Variants in CCDC141 observed in about 807,000 individuals in gnomAD.
The protein encoded by CCDC141 is coiled-coil domain containing 141, also known as coiled-coil domain-containing protein 141.
A neutral mutation model predicts 181.0 loss-of-function variants in CCDC141; 168 were observed. The ratio of observed to expected loss-of-function variants is 0.93; its 90% CI spans 0.82 to 1.05. CCDC141 has a LOEUF of 1.05. CCDC141 is among the 50% of genes least tolerant of loss of function. The pLI, the probability that CCDC141 is intolerant of heterozygous loss-of-function variation, is 0.00. For synonymous variants in CCDC141, 666 were observed against 642.3 expected, an observed-to-expected ratio of 1.04 and a Z score of -0.56; for missense variants, 1,902 against 1,788.5, an observed-to-expected ratio of 1.06 and a Z score of -1.14.
At chr2:179,000,696 C>T (rs112329476) in intron 2 of CCDC141, among the ~76,000 whole-genome samples, 2 of 152,204 alleles carry the variant, frequency 1.3e-5, no homozygotes, top group African/African-American at 4.8e-5. Context: ...TGAGTCAATT[C>T]CAATAATCCT....
At chr2:178,844,644 C>T (rs1319614726) in intron 22 of CCDC141, among the ~76,000 whole-genome samples, 1 of 152,116 alleles carries the variant, frequency 6.6e-6, no homozygotes, top group African/African-American at 2.4e-5. Context: ...TGCACCAGGC[C>T]TTGACATAGA....
At chr2:178,974,978 C>T (rs770816057) in intron 4 of CCDC141, 79 bp downstream of exon 4, 1 of 635,206 alleles carries the variant, frequency 1.6e-6, no homozygotes, top group African/African-American at 1.8e-5. Context: ...TTAAAATACA[C>T]TATCATACAT....
At chr2:178,938,695 T>C (rs1689388491) in intron 6 of CCDC141, among the ~76,000 whole-genome samples, 1 of 152,162 alleles carries the variant, frequency 6.6e-6, no homozygotes. Flanking sequence ...TAGTAGAGTT[T>C]TGAAGTCTCC....
At position 178,896,145 on chromosome 2, in the gene CCDC141, T is replaced by C. The variant is rs116296045; in HGVS notation, c.1266-7477A>G. On this transcript the variant is annotated intron_variant, in intron 8 of 23. Transcript: ENST00000443758. ...CAAAAAGGAATTCAAGAAACTATTA[T>C]GTGGCAGGTATTGATTCAGTTCATC... Among the ~76,000 whole-genome samples the C allele has an allele frequency of 5.6e-3, 859 of 152,322 alleles. 10 individuals are homozygous for C. The highest frequency in any genetic ancestry group is 0.02 in the African/African-American group (819 of 41,576).
At chr2:178,851,542 G>A (rs575436333) in intron 20 of CCDC141, among the ~76,000 whole-genome samples, 46 of 152,284 alleles carry the variant, frequency 3.0e-4, no homozygotes, top group Middle Eastern at 3.4e-3. Context: ...GGATGACCAC[G>A]TGAAGAGGCA....
Position 178,868,007 on chromosome 2 carries a change from A to G in CCDC141, c.2574+19T>C, listed in dbSNP as rs957294640. On this transcript the variant is annotated intron_variant, in intron 16 of 23. Transcript: ENST00000443758. ...CCAGCTAGAACTGAGTCTAAATGAT[A>G]GTGTTATTAGATGCTTACAGGCCGC... 1.3e-6 allele frequency: 2 copies of G among 1,582,788 alleles called. No individual in the cohort carries two copies. Among genetic ancestry groups the G allele is most frequent in the African/African-American group, 2.7e-5 (2 of 74,606 alleles).
At chr2:178,988,410 G>A (rs890598373) in intron 2 of CCDC141, among the ~76,000 whole-genome samples, 2 of 151,444 alleles carry the variant, frequency 1.3e-5, no homozygotes, top group Admixed American at 1.3e-4. Context: ...CATGGCACAT[G>A]TATACGTATG....
At chr2:178,892,598 C>G (rs772248654) in intron 8 of CCDC141, among the ~76,000 whole-genome samples, 2 of 152,162 alleles carry the variant, frequency 1.3e-5, no homozygotes, top group Non-Finnish European at 2.9e-5. Flanking sequence ...TGATACCGGA[C>G]TTTCCTTTTG....
At chr2:178,853,418 G>T (rs1214155634) in intron 20 of CCDC141, 23 bp downstream of exon 20, 1 of 1,607,548 alleles carries the variant, frequency 6.2e-7, no homozygotes, top group Non-Finnish European at 8.5e-7. Flanking sequence ...GCCAATCACT[G>T]GATATCTTAA....
chr2:178,924,241 G>A (rs1350045654), intron 6 of CCDC141, among the ~76,000 whole-genome samples: 2 of 152,174 alleles, frequency 1.3e-5, no homozygotes, highest in African/African-American at 4.8e-5. Context: ...GGAGATTACT[G>A]GCCAAAATCA....
Position 178,853,303 on chromosome 2 carries a change from T to C in CCDC141, c.3244+138A>G, listed in dbSNP as rs181922560. 21 of 724,678 alleles carry C rather than the reference T, an allele frequency of 2.9e-5. No individual in the cohort carries two copies. The South Asian group carries it at 3.0e-4, about 10-fold the overall frequency. 44.9% of individuals were successfully genotyped at this position (724,678 alleles called of 1,614,324 possible). ...GTTTGCTTTCCCTGGCTGTGGGCTC[T>C]TACCTTGAACATTTTCCCTGAATAC... On this transcript the variant is annotated intron_variant, in intron 20 of 23. Coordinates refer to ENST00000443758, the MANE Select transcript of CCDC141 (RefSeq NM_173648.4).
At chr2:178,847,566 G>A (rs1684991979) in intron 21 of CCDC141, among the ~76,000 whole-genome samples, 1 of 152,122 alleles carries the variant, frequency 6.6e-6, no homozygotes, top group South Asian at 2.1e-4. Flanking sequence ...ACAAGGCAAA[G>A]CATAGTGTTA....
chr2:178,981,491 T>G (rs1019764903), intron 2 of CCDC141, among the ~76,000 whole-genome samples: 1 of 151,402 alleles, frequency 6.6e-6, no homozygotes, highest in Non-Finnish European at 1.5e-5. Context: ...CACTTTAAAA[T>G]AACACATGGG....
chr2:179,021,985 C>T (rs1051801045), intron 2 of CCDC141, among the ~76,000 whole-genome samples: 2 of 152,154 alleles, frequency 1.3e-5, no homozygotes, highest in African/African-American at 4.8e-5. Flanking sequence ...GGCTCTACAA[C>T]ATTAATTCTT....
chr2:178,851,383 C>T (rs968313105), intron 20 of CCDC141, among the ~76,000 whole-genome samples: 1 of 152,064 alleles, frequency 6.6e-6, no homozygotes, highest in Admixed American at 6.6e-5. Flanking sequence ...TCCCAATTCC[C>T]AGTACGTCAG....
chr2:178,978,956 T>C (rs370324592), intron 2 of CCDC141, among the ~76,000 whole-genome samples: 2 of 152,248 alleles, frequency 1.3e-5, no homozygotes, highest in South Asian at 2.1e-4. Flanking sequence ...CCAAGGGGTA[T>C]AGAATATTAT....
At chr2:178,984,961 C>G (rs1355576196) in intron 2 of CCDC141, among the ~76,000 whole-genome samples, 1 of 150,050 alleles carries the variant, frequency 6.7e-6, no homozygotes, top group Admixed American at 6.6e-5. Flanking sequence ...CTGCACCAAG[C>G]GGACCTAATA....
At chr2:178,867,499 T>TTCATACTTTG (rs1422144455) in intron 16 of CCDC141, among the ~76,000 whole-genome samples, 1 of 152,192 alleles carries the variant, frequency 6.6e-6, no homozygotes, top group African/African-American at 2.4e-5. Flanking sequence ...TGGTGTGTAT[T>TTCATACTTTG]TCATACTTTG....
At chr2:178,865,649 G>C in intron 17 of CCDC141, 118 bp downstream of exon 17, 1 of 964,350 alleles carries the variant, frequency 1.0e-6, no homozygotes, top group Non-Finnish European at 1.4e-6. Flanking sequence ...AAAGTCTCCT[G>C]ATTCATTGTG....
Sources: gnomAD v4.1 joint callset for allele counts (sites outside exome capture counted in the v4.1 genomes callset) on GRCh38, gnomAD v4.1.1 for gene constraint, MANE v1.5 for transcripts, NCBI Gene and HGNC (gene_info 2026-07-23, HGNC 2026-07-21) for gene names.